PDE10A: variants seen among roughly 807,000 people sequenced by gnomAD.
PDE10A encodes the protein phosphodiesterase 10A, also known as cAMP and cAMP-inhibited cGMP 3',5'-cyclic phosphodiesterase 10A.
Under a neutral mutation model 97.7 loss-of-function variants are expected in PDE10A, and 39 were observed. The observed-to-expected ratio is 0.40, with a 90% CI of 0.31 to 0.52. The LOEUF is 0.52. Among genes scored for constraint, PDE10A ranks in the 20% least tolerant of loss-of-function variants. The pLI, the probability that PDE10A is intolerant of heterozygous loss-of-function variation, is 0.56. For synonymous variants in PDE10A, 371 were observed against 376.8 expected (o/e 0.98, Z 0.18); for missense variants, 731 against 1,047.8 (o/e 0.70, Z 4.17).
At chr6:165,645,090 G>A (rs566277217) in intron 1 of PDE10A, among the ~76,000 whole-genome samples, 1 of 152,324 alleles carries the variant, frequency 6.6e-6, no homozygotes, top group Admixed American at 6.5e-5. Flanking sequence ...TGCCTAGTGA[G>A]GTCAGTCTCT....
At chr6:165,562,298 A>T (rs1220120350) in intron 1 of PDE10A, among the ~76,000 whole-genome samples, 1 of 152,190 alleles carries the variant, frequency 6.6e-6, no homozygotes, top group Non-Finnish European at 1.5e-5. Flanking sequence ...CCTGTTATTA[A>T]ATCTATATAC....
intron 18 of PDE10A, among the ~76,000 whole-genome samples, chr6:165,375,105 T>G (rs1390666925): frequency 1.3e-5 from 2 of 152,146 alleles, no homozygotes; most frequent in Non-Finnish European, 2.9e-5. Context: ...GCAGTAATAT[T>G]AAAATTAGGC....
intron 3 of PDE10A, among the ~76,000 whole-genome samples, chr6:165,453,250 G>A (rs1205605505): frequency 3.9e-5 from 6 of 152,210 alleles, no homozygotes; most frequent in African/African-American, 1.4e-4. Context: ...GGTGGAATTT[G>A]TAATTAAAAG....
intron 1 of PDE10A, among the ~76,000 whole-genome samples, chr6:165,609,177 C>A (rs1787372024): frequency 6.6e-6 from 1 of 152,158 alleles, no homozygotes; most frequent in African/African-American, 2.4e-5. Flanking sequence ...ACATGAAATC[C>A]TTGCCCATGC....
chr6:165,692,567 T>TG (rs879423163), intron 1 of PDE10A, among the ~76,000 whole-genome samples: 4 of 152,190 alleles, frequency 2.6e-5, no homozygotes, highest in Admixed American at 6.5e-5. Context: ...CCCTCTCTCC[T>TG]GCTGGTCTTC....
At chr6:165,925,123 A>G (rs300150) in intron 1 of PDE10A, among the ~76,000 whole-genome samples, 151,423 of 152,314 alleles carry the variant, frequency 0.99, 75,270 homozygotes, top group Middle Eastern at 1. Flanking sequence ...AGGACAAATG[A>G]CAAATAAGCA....
intron 1 of PDE10A, among the ~76,000 whole-genome samples, chr6:165,877,157 G>A (rs893609297): frequency 1.3e-5 from 2 of 152,194 alleles, no homozygotes; most frequent in Admixed American, 6.5e-5. Context: ...TTTGGCACAC[G>A]TGTGGGTCTC....
intron 3 of PDE10A, among the ~76,000 whole-genome samples, chr6:165,464,298 G>A (rs539162269): frequency 6.6e-6 from 1 of 152,250 alleles, no homozygotes; most frequent in South Asian, 2.1e-4. Context: ...GAAAAACCAT[G>A]ACTCATTCTG....
In PDE10A at chr6:165,418,686, A is replaced by G. The variant is rs1370413234; in HGVS notation, c.1745T>C (p.Ile582Thr). The G allele has an allele frequency of 3.7e-6, 6 of 1,613,356 alleles. No individual in the cohort carries two copies. Among genetic ancestry groups the G allele is most frequent in the South Asian group, 2.2e-5 (2 of 91,072 alleles). Residue 582 changes from isoleucine to threonine, a missense_variant, in exon 11 of 22, where the codon ATT (isoleucine) becomes ACT (threonine). Physicochemically the swap from Ile to Thr is moderately conservative, Grantham distance 89. Coordinates refer to ENST00000539869, the MANE Select transcript of PDE10A (RefSeq NM_001385079.1). This position sits in a 1 kb window ranked among gnomAD's most constrained non-coding sequence, Gnocchi z 4.8. ...AGGTTTTCCTTCCTTTTCCTCTCCA[A>G]TATCAAAAAGGTCTGAATATAACTC... ...NKELYSDLFD[I>T]GEEKEGKPVF... is the part of the protein sequence containing the mutation.
chr6:165,653,044 T>C (rs1562661094), intron 1 of PDE10A, among the ~76,000 whole-genome samples: 1 of 152,206 alleles, frequency 6.6e-6, no homozygotes, highest in African/African-American at 2.4e-5. Flanking sequence ...ACTAGTGTAT[T>C]TGGATTACAT....
intron 1 of PDE10A, among the ~76,000 whole-genome samples, chr6:165,685,126 T>G (rs1791079335): frequency 6.6e-6 from 1 of 152,318 alleles, no homozygotes; most frequent in East Asian, 1.9e-4. Flanking sequence ...CTTTAAGAAT[T>G]CTAGGAGAGT....
rs916378876 is a variant in PDE10A at position 165,386,173 on chromosome 6, G to A, written c.2610+2125C>T. Among the ~76,000 whole-genome samples the A allele has an allele frequency of 1.8e-4, 28 of 152,056 alleles. 1 individual carries two copies. The highest frequency in any genetic ancestry group is 2.2e-4 in the Non-Finnish European group (15 of 68,016). ...ACATCGCGGAGGGTTTGCCAAAATGGAGGCAAACCACCCTAAACCTCCATT... is the reference window on the plus strand; with the variant it reads ...ACATCGCGGAGGGTTTGCCAAAATGAAGGCAAACCACCCTAAACCTCCATT... On this transcript the variant is annotated intron_variant, in intron 17 of 21. Transcript: ENST00000539869.
At chr6:165,486,046 C>T (rs1435906751) in intron 2 of PDE10A, among the ~76,000 whole-genome samples, 2 of 152,134 alleles carry the variant, frequency 1.3e-5, no homozygotes, top group Non-Finnish European at 2.9e-5. Flanking sequence ...CCTCTTTCGG[C>T]TAGCAACGTA....
At chr6:165,686,794 C>G (rs544157106) in intron 1 of PDE10A, among the ~76,000 whole-genome samples, 1 of 152,198 alleles carries the variant, frequency 6.6e-6, no homozygotes, top group Admixed American at 6.5e-5. Context: ...TCGGTCCTTA[C>G]GGGCATGAGC....
In PDE10A at chr6:165,450,234, C is replaced by A. The variant is rs968371536; in HGVS notation, c.1144+8G>T. On this transcript the variant is annotated splice_region_variant and intron_variant, in intron 4 of 21. Transcript: ENST00000539869. ...TTTTTTCTAACAGGAACACAAAATG[C>A]TTCTTACCTATTTTAATGATGCTGC... 2.0e-6 allele frequency: 3 copies of A among 1,533,336 alleles called. No individual in the cohort carries two copies. The highest frequency in any genetic ancestry group is 2.7e-5 in the South Asian group (2 of 73,064). The allele number at this position is 1,533,336 out of a possible 1,614,324, so 95.0% of individuals were successfully genotyped here.
intron 1 of PDE10A, among the ~76,000 whole-genome samples, chr6:165,708,307 G>A (rs1377906338): frequency 6.6e-6 from 1 of 152,008 alleles, no homozygotes; most frequent in East Asian, 1.9e-4. Flanking sequence ...CCGTCACACC[G>A]GGCCTCCCCC....
chr6:165,566,336 T>C (rs1326247113), intron 1 of PDE10A, among the ~76,000 whole-genome samples: 2 of 152,220 alleles, frequency 1.3e-5, no homozygotes, highest in South Asian at 2.1e-4. Context: ...ACATTATATA[T>C]CATGAGGGAA....
chr6:165,564,410 C>T (rs556932889), intron 1 of PDE10A, among the ~76,000 whole-genome samples: 2 of 151,242 alleles, frequency 1.3e-5, no homozygotes, highest in Admixed American at 6.6e-5. Flanking sequence ...CTTGGTTAGA[C>T]AACAACGAAA....
intron 18 of PDE10A, among the ~76,000 whole-genome samples, chr6:165,377,796 G>A (rs1046884831): frequency 2.6e-5 from 4 of 152,242 alleles, no homozygotes; most frequent in Non-Finnish European, 4.4e-5. Context: ...CACACAACCT[G>A]TTGGAGACAT....
Sources: allele counts gnomAD v4.1 joint callset (sites outside exome capture counted in the v4.1 genomes callset), GRCh38; gene constraint gnomAD v4.1.1; non-coding constraint Gnocchi (gnomAD v3.1); transcripts MANE v1.5; gene names NCBI Gene and HGNC (gene_info 2026-07-23, HGNC 2026-07-21).